DNAH9: variants seen among roughly 807,000 people sequenced by gnomAD.
The protein encoded by DNAH9 is DNAH9 variant protein.
DNAH9 carries 345 observed loss-of-function variants against 471.6 expected under a neutral mutation model. That is an observed-to-expected ratio of 0.73 (90% CI 0.67 to 0.80). The LOEUF (loss-of-function observed/expected upper bound fraction) is 0.80. DNAH9 is among the 30% of genes least tolerant of loss of function. The pLI, the probability that DNAH9 is intolerant of heterozygous loss-of-function variation, is 0.00. For synonymous variants in DNAH9, 2,093 were observed against 2,123.6 expected, an observed-to-expected ratio of 0.99 and a Z score of 0.40; for missense variants, 5,407 against 5,609.2, an observed-to-expected ratio of 0.96 and a Z score of 1.15.
In DNAH9 at chr17:11,793,512, T is replaced by C. The variant is rs1041695768; in HGVS notation, c.8071T>C (p.Phe2691Leu). The change falls in exon 42 of 69, where the codon TTC becomes CTC. Residue 2691 changes from phenylalanine (F) to leucine (L), a missense_variant. This residue lies in a region of DNAH9 where 4,636 missense variants were observed against 4,900.3 expected (regional missense o/e 0.95). Transcript: ENST00000262442. ...TCTGTTCCCCTTGAAGGGCATTCTC[T>C]TCTCCTCAGTGGAATGTGTGAAATC... ...DFANIFQGIL[F>L]SSVECVKSTW... 6.2e-7 allele frequency: 1 copy of C among 1,610,996 alleles called. No homozygotes were observed. Among genetic ancestry groups the C allele is most frequent in the Non-Finnish European group, 8.5e-7 (1 of 1,179,312 alleles).
intron 62 of DNAH9, chr17:11,925,148 C>G (rs8081106): frequency 2.2e-6 from 1 of 454,864 alleles, no homozygotes; most frequent in South Asian, 1.6e-5. Flanking sequence ...TATTCTCCAC[C>G]AAATTTTTTA....
Position 11,629,527 on chromosome 17 carries a change from A to G in DNAH9, c.1461A>G (p.Gln487=), listed in dbSNP as rs2073029082. The change falls in exon 7 of 69, where the codon CAA becomes CAG. Residue 487 remains glutamine (Q), a synonymous_variant. Coordinates refer to ENST00000262442, the MANE Select transcript of DNAH9 (RefSeq NM_001372.4). ...QQVQQMHEEF[Q]EMYRLLSGSS... ...TCCAGCAAATGCATGAAGAATTTCA[A>G]GAGATGTACAGGCTTCTCTCAGGAT... The G allele has an allele frequency of 3.1e-6, 5 of 1,614,166 alleles. No homozygotes were observed. Among genetic ancestry groups the G allele is most frequent in the Non-Finnish European group, 4.2e-6 (5 of 1,180,028 alleles).
chr17:11,951,603 T>C (rs1184550615), intron 67 of DNAH9, among the ~76,000 whole-genome samples: 3 of 151,368 alleles, frequency 2.0e-5, no homozygotes, highest in Non-Finnish European at 4.4e-5. Flanking sequence ...CTGGGCAACA[T>C]AGTGAGACCC....
chr17:11,719,279 T>A, intron 26 of DNAH9, 55 bp from the exon 27 acceptor site: 2 of 1,572,736 alleles, frequency 1.3e-6, no homozygotes, highest in Non-Finnish European at 1.7e-6. Context: ...TGAGCCTTAG[T>A]CCTATCTCAC....
intron 61 of DNAH9, among the ~76,000 whole-genome samples, chr17:11,911,881 A>G (rs148125435): frequency 1.4e-4 from 21 of 151,158 alleles, no homozygotes; most frequent in African/African-American, 5.1e-4. Context: ...CTCTTTACAT[A>G]CTGATCTTCT....
chr17:11,662,747 C>CTT (rs71142226), intron 14 of DNAH9, among the ~76,000 whole-genome samples: 1,929 of 45,474 alleles, frequency 0.042, 748 homozygotes, highest in Middle Eastern at 0.059. Flanking sequence ...TTGAGGCTCG[C>CTT]TTTTTTTTTT....
rs574418518 is a variant in DNAH9, at chr17:11,733,340, C to G, written c.5814+5418C>G. Reference sequence around the variant, plus strand: ...AAGTATGTCACCTGCACAGAGACAGCATGGCCTTAATACTTCACTGAGTGA... The same window carrying G: ...AAGTATGTCACCTGCACAGAGACAGGATGGCCTTAATACTTCACTGAGTGA... On this transcript the variant is annotated intron_variant, in intron 28 of 68. Transcript: ENST00000262442. 1.3e-3 allele frequency among the ~76,000 whole-genome samples: 196 copies of G among 152,332 alleles called. 2 individuals carry two copies. Among genetic ancestry groups the G allele is most frequent in the Non-Finnish European group, 2.2e-3 (148 of 68,030 alleles).
Position 11,810,345 on chromosome 17 carries a change from C to T in DNAH9, c.8683C>T (p.Leu2895Phe), listed in dbSNP as rs571552794. ...AQVADERFLV[L>F]INDLLASGEI... The stretch of plus-strand genomic sequence containing the variant: ...AGTGGCTGATGAGAGGTTCCTTGTG[C>T]TCATCAATGATCTTTTGGCATCTGG... The change falls in exon 45 of 69, where the codon CTC (leucine) becomes TTC (phenylalanine). Residue 2895 changes from leucine to phenylalanine, a missense_variant. Physicochemically the swap from Leu to Phe is conservative, Grantham distance 22. Around this residue, in one of 3 missense-constraint regions of DNAH9, gnomAD observed 4,636 missense variants for 4,900.3 expected, o/e 0.95. Coordinates refer to ENST00000262442, the MANE Select transcript of DNAH9 (RefSeq NM_001372.4). 1.5e-4 allele frequency: 240 copies of T among 1,612,900 alleles called. 2 individuals are homozygous for T. In the South Asian group the frequency reaches 1.8e-3, roughly 12 times the overall value.
intron 36 of DNAH9, among the ~76,000 whole-genome samples, chr17:11,765,680 C>T (rs534276971): frequency 6.6e-6 from 1 of 152,328 alleles, no homozygotes; most frequent in African/African-American, 2.4e-5. Flanking sequence ...GAATTTTCTG[C>T]TGTCTGTTCT....
At chr17:11,876,476 AAAAG>A (rs1471224626) in intron 53 of DNAH9, among the ~76,000 whole-genome samples, 2 of 150,860 alleles carry the variant, frequency 1.3e-5, no homozygotes, top group African/African-American at 5.0e-5. Context: ...GAAGTTAAAA[AAAAG>A]GGAAAAAATT....
In DNAH9 at chr17:11,719,556, G is replaced by A. The variant is rs1050060007; in HGVS notation, c.5709+66G>A. ...TAGGAACTCAGGGCACCAAATCAAGGCTAAGACGCATCCGTGCCACCCTGA... is the reference window on the plus strand; with the variant it reads ...TAGGAACTCAGGGCACCAAATCAAGACTAAGACGCATCCGTGCCACCCTGA... On this transcript the variant is annotated intron_variant, in intron 27 of 68. Transcript: ENST00000262442. 5 of 1,486,906 alleles carry A rather than the reference G, an allele frequency of 3.4e-6. No homozygotes were observed. The Admixed American group carries it at 7.1e-5, about 21-fold the overall frequency. 92.1% of individuals were successfully genotyped at this position (1,486,906 alleles called of 1,614,324 possible).
intron 17 of DNAH9, among the ~76,000 whole-genome samples, chr17:11,671,907 C>T (rs1482045086): frequency 6.6e-6 from 1 of 152,162 alleles, no homozygotes; most frequent in Non-Finnish European, 1.5e-5. Context: ...TGTTTCCTCA[C>T]CTCTGAAAGA....
At chr17:11,719,144 A>C (rs1327213195) in intron 26 of DNAH9, among the ~76,000 whole-genome samples, 190 bp from the exon 27 acceptor site, 2 of 152,036 alleles carry the variant, frequency 1.3e-5, no homozygotes, top group Non-Finnish European at 2.9e-5. Flanking sequence ...GATGCCCTGC[A>C]TGGAGGGAGC....
rs1245270221 is a variant in DNAH9, at chr17:11,669,417, C to G, written c.2976C>G (p.Leu992=). The G allele has an allele frequency of 8.7e-6, 14 of 1,613,988 alleles. No individual in the cohort carries two copies. The highest frequency in any genetic ancestry group is 1.2e-5 in the Non-Finnish European group (14 of 1,180,024). ...IPDLANMRRT[L]MERVQRMMGL... The stretch of plus-strand genomic sequence containing the variant: ...ATTTGGCAAACATGCGGCGCACACT[C>G]ATGGAGAGAGTCCAGAGAATGATGG... The change falls in exon 17 of 69, where the codon CTC becomes CTG. Residue 992 remains leucine, a synonymous_variant. Coordinates refer to ENST00000262442, the MANE Select transcript of DNAH9 (RefSeq NM_001372.4).
chr17:11,894,293 T>C (rs1973155523), intron 58 of DNAH9, 81 bp from the exon 59 acceptor site: 2 of 1,563,322 alleles, frequency 1.3e-6, no homozygotes, highest in East Asian at 4.5e-5. Flanking sequence ...CAGTAATAAT[T>C]ATACTGAGTG....
rs1265778099 is a variant in DNAH9, at chr17:11,843,861, GTGTATATA to G, written c.9507+8965_9507+8972del. Among the ~76,000 whole-genome samples the G allele has an allele frequency of 2.7e-3, 144 of 54,184 alleles. 2 individuals carry two copies. In the East Asian group the frequency reaches 0.1, roughly 38 times the overall value. 35.5% of individuals were successfully genotyped at this position (54,184 alleles called of 152,430 possible). On this transcript the variant is annotated intron_variant, in intron 49 of 68. Transcript: ENST00000262442. ...TGTGTTTGTGTGTGTGTGTGTGTGT[GTGTATATA>G]TATATATATATATATATATATACAC...
intron 61 of DNAH9, among the ~76,000 whole-genome samples, chr17:11,907,571 T>C (rs1973651456): frequency 6.6e-6 from 1 of 152,132 alleles, no homozygotes; most frequent in Non-Finnish European, 1.5e-5. Flanking sequence ...CAAGTTAACT[T>C]TGGAATGTCC....
In DNAH9 at chr17:11,934,060, G is replaced by A. The variant is rs1597845181; in HGVS notation, c.12478G>A (p.Gly4160Ser). Residue 4160 changes from glycine (G) to serine (S), a missense_variant, in exon 65 of 69, where the codon GGT becomes AGT. Gly to Ser is a moderately conservative substitution (Grantham distance 56). Around this residue, in one of 3 missense-constraint regions of DNAH9, gnomAD observed 4,636 missense variants for 4,900.3 expected, o/e 0.95. Transcript: ENST00000262442. The stretch of plus-strand genomic sequence containing the variant: ...ACTCCCAGGCAACATGGACTACAAT[G>A]GTTATCATCAGGTGAGACTCTGCTC... ...FPLPGNMDYN[G>S]YHQYIDAELP... is the part of the protein sequence containing the mutation. 2 of 1,613,638 alleles carry A rather than the reference G, an allele frequency of 1.2e-6. No individual in the cohort carries two copies. Among genetic ancestry groups the A allele is most frequent in the Non-Finnish European group, 1.7e-6 (2 of 1,179,728 alleles).
intron 28 of DNAH9, among the ~76,000 whole-genome samples, chr17:11,729,182 C>T (rs761137473): frequency 6.6e-6 from 1 of 152,096 alleles, no homozygotes; most frequent in East Asian, 1.9e-4. Flanking sequence ...AGAGTCTCTC[C>T]CAAGGATTCT....
Sources: allele counts gnomAD v4.1 joint callset (sites outside exome capture counted in the v4.1 genomes callset), GRCh38; gene constraint gnomAD v4.1.1; regional missense constraint gnomAD v4.1.1; transcripts MANE v1.5; gene names NCBI Gene and HGNC (gene_info 2026-07-23, HGNC 2026-07-21).